Variants in ADAMTSL1 observed in about 807,000 individuals in gnomAD.
ADAMTSL1 encodes ADAMTS like 1, also known as ADAMTS-like protein 1.
Under a neutral mutation model 201.8 loss-of-function variants are expected in ADAMTSL1, and 126 were observed. The ratio of observed to expected loss-of-function variants is 0.62; its 90% CI spans 0.54 to 0.72. ADAMTSL1 has a LOEUF of 0.72. Ranked by LOEUF, ADAMTSL1 falls within the 30% of genes least tolerant of loss-of-function variation. The pLI is 0.00. For missense variants in ADAMTSL1, 2,679 were observed against 2,277.8 expected, an observed-to-expected ratio of 1.18 and a Z score of -3.59; for synonymous variants, 1,121 against 903.4, an observed-to-expected ratio of 1.24 and a Z score of -4.32.
intron 3 of ADAMTSL1, among the ~76,000 whole-genome samples, chr9:18,548,291 A>G (rs1279196499): frequency 6.6e-6 from 1 of 152,028 alleles, no homozygotes; most frequent in African/African-American, 2.4e-5. Context: ...ACTGTAAACA[A>G]GTGTCCTTTT....
intron 2 of ADAMTSL1, among the ~76,000 whole-genome samples, chr9:18,317,718 C>A (rs985648739): frequency 2.0e-5 from 3 of 152,208 alleles, no homozygotes; most frequent in African/African-American, 7.2e-5. Context: ...CCCTTACACC[C>A]TTACACCTCT....
At chr9:18,606,879 G>T (rs148105354) in intron 4 of ADAMTSL1, among the ~76,000 whole-genome samples, 2 of 152,086 alleles carry the variant, frequency 1.3e-5, no homozygotes, top group Non-Finnish European at 2.9e-5. Flanking sequence ...CAGAATAATT[G>T]TGGCTCACAG....
rs1412396151 is a variant in ADAMTSL1, at chr9:18,910,601, C to T, written c.*2053C>T. 1 of 152,220 alleles carries T rather than the reference C, an allele frequency of 6.6e-6. No individual in the cohort carries two copies. The highest frequency in any genetic ancestry group is 1.5e-5 in the Non-Finnish European group (1 of 68,036). 9.4% of individuals were successfully genotyped at this position (152,220 alleles called of 1,614,324 possible). ...TTATGCATGGAATGATAAAGACAGA[C>T]AAATTCCATACTACTACTAATGTGG... On this transcript the variant is annotated 3_prime_UTR_variant, in exon 29 of 29. Transcript: ENST00000380548.
chr9:18,721,393 G>A, intron 14 of ADAMTSL1, 143 bp from the exon 15 acceptor site: 1 of 1,166,388 alleles, frequency 8.6e-7, no homozygotes, highest in Admixed American at 2.3e-5. Flanking sequence ...TGGCAGTCCT[G>A]GGCTTTAAAC....
intron 2 of ADAMTSL1, among the ~76,000 whole-genome samples, chr9:18,199,646 C>CT (rs987773078): frequency 9.9e-5 from 15 of 152,144 alleles, no homozygotes; most frequent in African/African-American, 3.4e-4. Flanking sequence ...TGGGTAGTGT[C>CT]TTTTTTCTGG....
At chr9:18,657,919 C>A (rs566489689) in intron 8 of ADAMTSL1, among the ~76,000 whole-genome samples, 169 bp downstream of exon 8, 3 of 152,030 alleles carry the variant, frequency 2.0e-5, no homozygotes, top group Non-Finnish European at 2.9e-5. Context: ...CAGATACCTC[C>A]GCCAAGATGC....
At chr9:18,705,421 T>C (rs1587940199) in intron 13 of ADAMTSL1, among the ~76,000 whole-genome samples, 3 of 152,316 alleles carry the variant, frequency 2.0e-5, no homozygotes, top group East Asian at 1.9e-4. Flanking sequence ...AAGGTCATTA[T>C]AGTTATGGCC....
At chr9:18,905,411 C>G (rs1830246719) in intron 26 of ADAMTSL1, 1 of 210,622 alleles carries the variant, frequency 4.7e-6, no homozygotes, top group Non-Finnish European at 9.7e-6. Context: ...ATATTACCCT[C>G]TCTGCACCGA....
rs150806009 is a variant in ADAMTSL1 at position 18,337,584 on chromosome 9, G to A, written c.208-167245G>A. Among the ~76,000 whole-genome samples the A allele has an allele frequency of 9.9e-5, 15 of 152,122 alleles. No individual in the cohort carries two copies. The East Asian group carries it at 2.5e-3, about 26-fold the overall frequency. On this transcript the variant is annotated intron_variant, in intron 2 of 29. Coordinates refer to the ADAMTSL1 transcript ENST00000680146. ...CAGTGAAATTATATAGTTAACCCAG[G>A]GTCACACTGCTAGTAAGTGGCAAAA...
intron 2 of ADAMTSL1, among the ~76,000 whole-genome samples, chr9:18,434,183 G>T (rs780972099): frequency 2.8e-4 from 42 of 152,106 alleles, no homozygotes; most frequent in Non-Finnish European, 5.9e-4. Context: ...AGAGACTCTA[G>T]AAGTTTTTAA....
At chr9:18,051,862 G>A (rs906110546) in intron 1 of ADAMTSL1, among the ~76,000 whole-genome samples, 4 of 152,186 alleles carry the variant, frequency 2.6e-5, no homozygotes, top group Non-Finnish European at 4.4e-5. Context: ...AGGTGACCAC[G>A]TCAAAGCTGT....
At chr9:18,633,588 C>T (rs949557342) in intron 5 of ADAMTSL1, among the ~76,000 whole-genome samples, 7 of 150,048 alleles carry the variant, frequency 4.7e-5, no homozygotes, top group Non-Finnish European at 7.4e-5. Context: ...AAGTGAGACT[C>T]CATCTCAAAA....
intron 1 of ADAMTSL1, among the ~76,000 whole-genome samples, chr9:17,975,745 T>C (rs949232607): frequency 6.6e-6 from 1 of 152,106 alleles, no homozygotes; most frequent in Non-Finnish European, 1.5e-5. Context: ...CACTTGTTTA[T>C]TTTTGCTTTT....
chr9:18,625,459 A>G (rs1826305523), intron 5 of ADAMTSL1, among the ~76,000 whole-genome samples: 1 of 152,106 alleles, frequency 6.6e-6, no homozygotes, highest in Non-Finnish European at 1.5e-5. Context: ...ACAATTGCCT[A>G]ATACAAATAC....
intron 20 of ADAMTSL1, among the ~76,000 whole-genome samples, chr9:18,802,678 A>T (rs1442532008): frequency 1.3e-5 from 2 of 152,152 alleles, no homozygotes; most frequent in East Asian, 3.8e-4. Context: ...ATTCACGTAC[A>T]TGTTTTTATG....
At chr9:18,335,605 A>G (rs912367287) in intron 2 of ADAMTSL1, among the ~76,000 whole-genome samples, 4 of 152,130 alleles carry the variant, frequency 2.6e-5, no homozygotes, top group Non-Finnish European at 5.9e-5. Context: ...GTTCAAGACA[A>G]TATTACTGTT....
At chr9:18,439,913 G>C (rs1036677130) in intron 2 of ADAMTSL1, among the ~76,000 whole-genome samples, 4 of 152,046 alleles carry the variant, frequency 2.6e-5, no homozygotes, top group African/African-American at 9.7e-5. Context: ...CTGATTCCTC[G>C]TGTGGTCTGA....
intron 2 of ADAMTSL1, chr9:18,360,810 T>C (rs1346650236): frequency 6.6e-6 from 1 of 152,188 alleles, no homozygotes; most frequent in Non-Finnish European, 1.5e-5. Context: ...GGGGTCTCTC[T>C]TCTTGTGTTC....
chr9:18,242,836 C>G (rs568086797), intron 2 of ADAMTSL1, among the ~76,000 whole-genome samples: 42 of 151,998 alleles, frequency 2.8e-4, no homozygotes, highest in Admixed American at 1.9e-3. Context: ...TTGATGAAAG[C>G]AATTAAAGAA....
Sources: allele counts gnomAD v4.1 joint callset (sites outside exome capture counted in the v4.1 genomes callset), GRCh38; gene constraint gnomAD v4.1.1; transcripts MANE v1.5; gene names NCBI Gene and HGNC (gene_info 2026-07-23, HGNC 2026-07-21).